Variants in SNRPN observed in about 807,000 individuals in gnomAD.
SNRPN encodes the protein small nuclear ribonucleoprotein polypeptide N.
A neutral mutation model predicts 25.2 loss-of-function variants in SNRPN; 7 were observed. The observed-to-expected ratio is 0.28, with a 90% confidence interval of 0.16 to 0.52. The LOEUF (loss-of-function observed/expected upper bound fraction) is 0.52, where lower values mean the gene tolerates loss of function less well. Ranked by LOEUF, SNRPN falls within the 20% of genes least tolerant of loss-of-function variation. The pLI is 0.96. For synonymous variants in SNRPN, 124 were observed against 110.6 expected (o/e 1.12, Z -0.76); for missense variants, 196 against 322.5 (o/e 0.61, Z 3.00).
chr15:24,965,145 G>A (rs2075423783), intron 2 of SNRPN, among the ~76,000 whole-genome samples: 2 of 152,254 alleles, frequency 1.3e-5, no homozygotes, highest in East Asian at 3.9e-4. Context: ...TACTAGAAGT[G>A]TTCAATATTT....
rs1267096682 is a variant in SNRPN, at chr15:24,835,133, G to GAT, written c.-579+5236_-579+5237dup. Among the ~76,000 whole-genome samples, 6 of 60,638 alleles carry GAT rather than the reference G, an allele frequency of 9.9e-5. 1 individual carries two copies. The East Asian group carries it at 3.8e-3, about 38-fold the overall frequency. 39.8% of individuals were successfully genotyped at this position (60,638 alleles called of 152,430 possible). ...TATATATCTATATATAAAATATATA[G>GAT]ATATATATACTATATATAAAATATA... is the stretch of plus-strand genomic sequence containing the variant. On this transcript the variant is annotated intron_variant, in intron 2 of 12. Transcript: ENST00000400100.
intron 3 of SNRPN, among the ~76,000 whole-genome samples, chr15:24,971,050 T>G (rs1334243620): frequency 6.6e-6 from 1 of 151,046 alleles, no homozygotes; most frequent in African/African-American, 2.5e-5. Flanking sequence ...CTAGTCATCT[T>G]ATTTTACTAT....
Position 24,929,193 on chromosome 15 carries a change from A to G in SNRPN, c.-391+9069A>G, listed in dbSNP as rs1413561963. Reference sequence around the variant, plus strand: ...GCTATATGTGTGTATGTGTATATATATCTTCATGTATTTATAGTGATATTT... The same window carrying G: ...GCTATATGTGTGTATGTGTATATATGTCTTCATGTATTTATAGTGATATTT... On this transcript the variant is annotated intron_variant, in intron 3 of 11. Coordinates refer to the SNRPN transcript ENST00000400097. This position sits in a 1 kb window ranked among gnomAD's most constrained non-coding sequence, Gnocchi z 5.3. Among the ~76,000 whole-genome samples, 1 of 152,152 alleles carries G rather than the reference A, an allele frequency of 6.6e-6. No individual in the cohort carries two copies. The highest frequency in any genetic ancestry group is 2.4e-5 in the African/African-American group (1 of 41,436).
intron 3 of SNRPN, among the ~76,000 whole-genome samples, chr15:24,971,946 T>C (rs1043113912): frequency 6.6e-6 from 1 of 152,108 alleles, no homozygotes; most frequent in African/African-American, 2.4e-5. Context: ...GTCCCAAGTG[T>C]TGCAGTGCTA....
rs1481879327 is a variant in SNRPN, at chr15:24,929,062, C to T, written c.-391+8938C>T. Among the ~76,000 whole-genome samples, 2 of 152,064 alleles carry T rather than the reference C, an allele frequency of 1.3e-5. No homozygotes were observed. The highest frequency in any genetic ancestry group is 4.8e-5 in the African/African-American group (2 of 41,398). On this transcript the variant is annotated intron_variant, in intron 3 of 11. Coordinates refer to the SNRPN transcript ENST00000400097. The surrounding 1 kb of genome is among the most constrained non-coding windows in gnomAD (Gnocchi z 5.3). ...GAGAAGCGTACTTAGAAACCAAGGT[C>T]TTGGTGCTACTGGTATGTTATTGCT... is the stretch of plus-strand genomic sequence containing the variant.
At chr15:24,848,880 TA>T (rs1367110475) in intron 2 of SNRPN, 1 of 152,098 alleles carries the variant, frequency 6.6e-6, no homozygotes, top group Non-Finnish European at 1.5e-5. Flanking sequence ...GAAGTTTCAC[TA>T]CTACGTGTTT....
chr15:24,870,749 T>C (rs907059273), intron 1 of SNRPN, among the ~76,000 whole-genome samples: 22 of 151,912 alleles, frequency 1.4e-4, no homozygotes, highest in African/African-American at 5.1e-4. Flanking sequence ...ATCATACATT[T>C]CTTATTCATT....
At chr15:24,925,617 A>G (rs28465221) in intron 3 of SNRPN, among the ~76,000 whole-genome samples, 41,471 of 151,880 alleles carry the variant, frequency 0.27, 5,861 homozygotes, top group Admixed American at 0.32. Flanking sequence ...GTTGTTGTTT[A>G]ATTAAAAGAC....
intron 2 of SNRPN, among the ~76,000 whole-genome samples, chr15:24,888,564 T>G (rs12437659): frequency 6.6e-6 from 1 of 152,050 alleles, no homozygotes; most frequent in Non-Finnish European, 1.5e-5. Flanking sequence ...AATTATCAGA[T>G]GTTTGTCACA....
At chr15:24,864,585 C>G (rs565279887) in intron 1 of SNRPN, among the ~76,000 whole-genome samples, 4 of 151,982 alleles carry the variant, frequency 2.6e-5, no homozygotes, top group African/African-American at 9.7e-5. Flanking sequence ...CTCAGGTAAT[C>G]TGCCCACCTC....
intron 2 of SNRPN, chr15:24,909,108 T>C (rs750900846): frequency 1.5e-6 from 2 of 1,359,760 alleles, no homozygotes; most frequent in Non-Finnish European, 2.1e-6. Flanking sequence ...TCCTTATACA[T>C]TTCCTCCATC....
intron 2 of SNRPN, among the ~76,000 whole-genome samples, chr15:24,834,751 C>CTCTCTCTATATA: frequency 1.3e-3 from 82 of 60,952 alleles, no homozygotes; most frequent in Middle Eastern, 7.6e-3. Flanking sequence ...CTCTCTCTCT[C>CTCTCTCTATATA]TATATATATA....
intron 3 of SNRPN, among the ~76,000 whole-genome samples, chr15:24,927,476 A>ATTTTTTTTTTTTT (rs71127023): frequency 4.0e-5 from 1 of 25,092 alleles, no homozygotes. Context: ...AAGTTTTTAA[A>ATTTTTTTTTTTTT]TTTTTTTTTT....
At chr15:24,971,534 TTATGA>T (rs1171005494) in intron 3 of SNRPN, among the ~76,000 whole-genome samples, 3 of 151,378 alleles carry the variant, frequency 2.0e-5, no homozygotes, top group Non-Finnish European at 4.4e-5. Flanking sequence ...TATTATTATA[TTATGA>T]TATATATATA....
chr15:24,849,422 G>A (rs1225850444), intron 2 of SNRPN: 1 of 152,242 alleles, frequency 6.6e-6, no homozygotes, highest in East Asian at 1.9e-4. Flanking sequence ...TAGGACACTG[G>A]GAGAATACAG....
At chr15:24,917,675 G>T (rs2152414206) in intron 2 of SNRPN, among the ~76,000 whole-genome samples, 1 of 152,390 alleles carries the variant, frequency 6.6e-6, no homozygotes, top group South Asian at 2.1e-4. Flanking sequence ...GCGCTGCAGT[G>T]CGCAGTGAGG....
intron 1 of SNRPN, among the ~76,000 whole-genome samples, chr15:24,864,624 G>A (rs1287384501): frequency 3.3e-5 from 5 of 150,832 alleles, no homozygotes; most frequent in East Asian, 2.0e-4. Flanking sequence ...GATTACAGGT[G>A]TGAGCCACTG....
chr15:24,977,893 T>C lies in SNRPN; in HGVS notation c.536T>C (p.Val179Ala). 6.3e-7 allele frequency: 1 copy of C among 1,579,612 alleles called. No homozygotes were observed. The highest frequency in any genetic ancestry group is 1.9e-5 in the Admixed American group (1 of 52,796). ...PPGRGTPPPP[V>A]GRATPPPGIM... ...GGACGGGGCACTCCGCCCCCACCCGTCGGCAGAGCAACCCCACCTCCAGGT... is the reference window on the plus strand; with the variant it reads ...GGACGGGGCACTCCGCCCCCACCCGCCGGCAGAGCAACCCCACCTCCAGGT... The change falls in exon 8 of 10, where the codon GTC (valine) becomes GCC (alanine). Residue 179 changes from valine to alanine, a missense_variant. Transcript: ENST00000390687.
chr15:24,887,540 A>G (rs536720328), intron 2 of SNRPN, among the ~76,000 whole-genome samples: 182 of 151,984 alleles, frequency 1.2e-3, no homozygotes, highest in African/African-American at 4.1e-3. Flanking sequence ...GTGGTGGCTC[A>G]CACCTGTAAT....
Sources: gnomAD v4.1 joint callset for allele counts (sites outside exome capture counted in the v4.1 genomes callset) on GRCh38, gnomAD v4.1.1 for gene constraint, Gnocchi (gnomAD v3.1) non-coding constraint, MANE v1.5 for transcripts, NCBI Gene and HGNC (gene_info 2026-07-23, HGNC 2026-07-21) for gene names.